Variants in PRICKLE1 observed in about 807,000 individuals in gnomAD.
The protein encoded by PRICKLE1 is prickle planar cell polarity protein 1.
In PRICKLE1, 14 loss-of-function variants were observed where a neutral mutation model predicts 70.2. The ratio of observed to expected loss-of-function variants is 0.20; its 90% confidence interval spans 0.13 to 0.31. PRICKLE1 has a LOEUF of 0.31. Ranked by LOEUF, PRICKLE1 falls within the 10% of genes least tolerant of loss-of-function variation. The probability of loss-of-function intolerance (pLI) is 1.00; values close to 1 mark genes in which losing one functional copy is unlikely to be tolerated. For synonymous variants in PRICKLE1, 357 were observed against 379.9 expected, an observed-to-expected ratio of 0.94 and a Z score of 0.70; for missense variants, 821 against 1,026.2, an observed-to-expected ratio of 0.80 and a Z score of 2.73.
chr12:42,495,973 C>T (rs1195271610), intron 1 of PRICKLE1, among the ~76,000 whole-genome samples: 2 of 152,238 alleles, frequency 1.3e-5, no homozygotes, highest in Non-Finnish European at 2.9e-5. Context: ...TTAACATCCT[C>T]CTGCGAATCA....
At chr12:42,535,110 G>T (rs1939995527) in intron 1 of PRICKLE1, among the ~76,000 whole-genome samples, 1 of 152,122 alleles carries the variant, frequency 6.6e-6, no homozygotes, top group Admixed American at 6.5e-5. Context: ...GCCAGTAACT[G>T]GTTCAGATAT....
At chr12:42,567,861 T>TG (rs1436216292) in intron 1 of PRICKLE1, among the ~76,000 whole-genome samples, 1 of 150,852 alleles carries the variant, frequency 6.6e-6, no homozygotes, top group African/African-American at 2.4e-5. Flanking sequence ...ACATTCCACA[T>TG]TCCTCTCTAA....
intron 2 of PRICKLE1, among the ~76,000 whole-genome samples, 189 bp from the exon 3 acceptor site, chr12:42,470,548 C>T (rs953031986): frequency 1.3e-5 from 2 of 152,202 alleles, no homozygotes; most frequent in South Asian, 2.1e-4. Flanking sequence ...AATTGCTCTT[C>T]AGGAATGTAA....
intron 1 of PRICKLE1, among the ~76,000 whole-genome samples, chr12:42,511,635 T>A (rs1259411949): frequency 6.6e-6 from 1 of 152,166 alleles, no homozygotes; most frequent in African/African-American, 2.4e-5. Flanking sequence ...ATCCAATGTC[T>A]GTGAAAATTA....
At chr12:42,558,261 G>A (rs911901808) in intron 1 of PRICKLE1, among the ~76,000 whole-genome samples, 20 of 152,008 alleles carry the variant, frequency 1.3e-4, no homozygotes, top group African/African-American at 3.9e-4. Context: ...TGAAATATTC[G>A]TGCTACCGTA....
At position 42,460,406 on chromosome 12, in the gene PRICKLE1, A is replaced by G. The variant is rs3747563; in HGVS notation, c.1899T>C (p.Phe633=). 574,745 of 1,613,382 alleles carry G rather than the reference A, an allele frequency of 0.36. 104,864 individuals are homozygous for G. The highest frequency in any genetic ancestry group is 0.39 in the Middle Eastern group (2,355 of 6,060). The change falls in exon 8 of 8, where the codon TTT becomes TTC. Residue 633 remains phenylalanine, a synonymous_variant. Coordinates refer to ENST00000345127, the MANE Select transcript of PRICKLE1 (RefSeq NM_153026.3). ...KSQSRPQQVK[F]SDDVIDNGNY... is the part of the protein sequence containing the mutation. ...TCCCATTGTCAATGACATCATCAGA[A>G]AACTTGACCTGCTGGGGTCTGGATT...
chr12:42,465,758 C>T (rs1186495511), intron 6 of PRICKLE1: 2 of 287,506 alleles, frequency 7.0e-6, no homozygotes, highest in South Asian at 3.9e-5. Flanking sequence ...ACATGTATTA[C>T]GTAAGCTCCT....
At chr12:42,512,413 C>T (rs12579171) in intron 1 of PRICKLE1, among the ~76,000 whole-genome samples, 7,417 of 152,148 alleles carry the variant, frequency 0.049, 241 homozygotes, top group South Asian at 0.12. Context: ...ACCTTAAAAG[C>T]GATCCACCCG....
Position 42,487,504 on chromosome 12 carries a change from T to A in PRICKLE1, c.-48-14940A>T, listed in dbSNP as rs752209583. ...TTTAGATTTACTACTCCAATAATCCTAGGCACCCATCCCCTCCCTGACCCT... is the reference window on the plus strand; with the variant it reads ...TTTAGATTTACTACTCCAATAATCCAAGGCACCCATCCCCTCCCTGACCCT... On this transcript the variant is annotated intron_variant, in intron 1 of 7. Transcript: ENST00000345127. Among the ~76,000 whole-genome samples the A allele has an allele frequency of 2.6e-5, 4 of 152,196 alleles. 1 individual carries two copies. Among genetic ancestry groups the A allele is most frequent in the Non-Finnish European group, 5.9e-5 (4 of 68,022 alleles).
intron 1 of PRICKLE1, among the ~76,000 whole-genome samples, chr12:42,496,485 G>C (rs540538388): frequency 6.6e-6 from 1 of 152,162 alleles, no homozygotes; most frequent in Non-Finnish European, 1.5e-5. Context: ...TAACTAGAGA[G>C]TCAGCCTGTC....
At chr12:42,529,444 A>C (rs1159056797) in intron 1 of PRICKLE1, among the ~76,000 whole-genome samples, 1 of 152,268 alleles carries the variant, frequency 6.6e-6, no homozygotes, top group Non-Finnish European at 1.5e-5. Flanking sequence ...GGGAGACAGA[A>C]GAGTCAAGTT....
chr12:42,519,090 C>A (rs1334261677), intron 1 of PRICKLE1, among the ~76,000 whole-genome samples: 3 of 151,608 alleles, frequency 2.0e-5, no homozygotes, highest in Non-Finnish European at 4.4e-5. Context: ...ATCTGTAATG[C>A]TGAAAAATGT....
chr12:42,527,916 AATATATATATATATAT>A (rs1163552624), intron 1 of PRICKLE1, among the ~76,000 whole-genome samples: 763 of 20,088 alleles, frequency 0.038, 84 homozygotes, highest in East Asian at 0.19. Flanking sequence ...TACTCTTTAT[AATATATATATATATAT>A]ATATATATAT....
In PRICKLE1 at chr12:42,475,231, A is replaced by G. The variant is rs1053006379; in HGVS notation, c.-48-2667T>C. Among the ~76,000 whole-genome samples, 6 of 152,266 alleles carry G rather than the reference A, an allele frequency of 3.9e-5. 1 individual carries two copies. The South Asian group carries it at 1.0e-3, about 26-fold the overall frequency. The stretch of plus-strand genomic sequence containing the variant: ...TGCACAAAGTAAAGAGTCCAACTGA[A>G]GGACATGAGTGACAATACCCTTTTC... On this transcript the variant is annotated intron_variant, in intron 1 of 7. Transcript: ENST00000345127.
intron 1 of PRICKLE1, chr12:42,524,744 T>C (rs763509925): frequency 6.6e-6 from 1 of 152,204 alleles, no homozygotes; most frequent in Non-Finnish European, 1.5e-5. Flanking sequence ...TATTTAAAAA[T>C]CCCTGTATAT....
At position 42,470,205 on chromosome 12, in the gene PRICKLE1, TTTC is replaced by T. The variant is rs764314390; in HGVS notation, c.246+38_246+40del. The T allele has an allele frequency of 7.2e-6, 10 of 1,391,920 alleles. No individual in the cohort carries two copies. The South Asian group carries it at 1.0e-4, about 14-fold the overall frequency. 86.2% of individuals were successfully genotyped at this position (1,391,920 alleles called of 1,614,324 possible). ...GCATCTCAATGCTTCTCATGCATTT[TTTC>T]TTCTTTTTTCTAATTAGCCTTCTTC... On this transcript the variant is annotated intron_variant, in intron 3 of 7. Coordinates refer to ENST00000345127, the MANE Select transcript of PRICKLE1 (RefSeq NM_153026.3).
rs779462876 is a variant in PRICKLE1, at chr12:42,464,752, A to G, written c.1282T>C (p.Phe428Leu). 3.7e-6 allele frequency: 6 copies of G among 1,614,058 alleles called. No individual in the cohort carries two copies. In the South Asian group the frequency reaches 4.4e-5, roughly 12 times the overall value. The change falls in exon 7 of 8, where the codon TTT becomes CTT. Residue 428 changes from phenylalanine (F) to leucine (L), a missense_variant. Coordinates refer to ENST00000345127, the MANE Select transcript of PRICKLE1 (RefSeq NM_153026.3). The surrounding 1 kb of genome is among the most constrained non-coding windows in gnomAD (Gnocchi z 4.2). ...LLLKFGDKSL[F>L]QPQPNEMDIR... is the part of the protein sequence containing the mutation. ...TCCATCTCATTGGGCTGTGGCTGAA[A>G]GAGGCTTTTATCACCAAACTTGAGG... is the stretch of plus-strand genomic sequence containing the variant.
At chr12:42,544,032 TG>T (rs1940163926) in intron 1 of PRICKLE1, among the ~76,000 whole-genome samples, 1 of 150,292 alleles carries the variant, frequency 6.7e-6, no homozygotes, top group African/African-American at 2.5e-5. Flanking sequence ...TCTTCATCCA[TG>T]TCATCTTATG....
In PRICKLE1 at chr12:42,576,231, A is replaced by G. The variant is rs182042497; in HGVS notation, c.-49+13234T>C. Among the ~76,000 whole-genome samples, 3 of 152,360 alleles carry G rather than the reference A, an allele frequency of 2.0e-5. No individual in the cohort carries two copies. In the East Asian group the frequency reaches 5.8e-4, roughly 29 times the overall value. On this transcript the variant is annotated intron_variant, in intron 1 of 7. Transcript: ENST00000345127. ...CTCCTTACTTTTCAGAGAAGAGAAA[A>G]GAAGGCAGAGAATATGCAAAACAGC...
Sources: gnomAD v4.1 joint callset for allele counts (sites outside exome capture counted in the v4.1 genomes callset) on GRCh38, gnomAD v4.1.1 for gene constraint, Gnocchi (gnomAD v3.1) non-coding constraint, MANE v1.5 for transcripts, NCBI Gene and HGNC (gene_info 2026-07-23, HGNC 2026-07-21) for gene names.